Variants in TNRC6C observed in about 807,000 individuals in gnomAD.
TNRC6C encodes the protein trinucleotide repeat containing adaptor 6C.
A neutral mutation model predicts 153.7 loss-of-function variants in TNRC6C; 20 were observed. That is an observed-to-expected ratio of 0.13 (90% CI 0.09 to 0.19). The LOEUF is 0.19. Among genes scored for constraint, TNRC6C ranks in the 10% least tolerant of loss-of-function variants. TNRC6C has a pLI of 1.00. For missense variants in TNRC6C, 1,987 were observed against 2,172.0 expected, an observed-to-expected ratio of 0.91 and a Z score of 1.69; for synonymous variants, 811 against 841.4, an observed-to-expected ratio of 0.96 and a Z score of 0.63.
intron 1 of TNRC6C, among the ~76,000 whole-genome samples, chr17:77,964,109 A>G (rs2070880360): frequency 6.6e-6 from 1 of 152,226 alleles, no homozygotes; most frequent in South Asian, 2.1e-4. Context: ...AATTTGGCCC[A>G]GTTTCCACTT....
intron 1 of TNRC6C, among the ~76,000 whole-genome samples, chr17:78,023,521 T>C (rs1251002559): frequency 6.6e-6 from 1 of 152,148 alleles, no homozygotes; most frequent in Non-Finnish European, 1.5e-5. Flanking sequence ...AATAAAACTT[T>C]TGAGCTGGGC....
exon 20 of TNRC6C, chr17:78,106,784 T>G (rs1002127749): frequency 6.6e-6 from 1 of 151,560 alleles, no homozygotes; most frequent in African/African-American, 2.4e-5. Flanking sequence ...TTAAAAAATA[T>G]ATATATGAAC....
intron 9 of TNRC6C, chr17:78,077,546 C>A (rs1282231293): frequency 4.6e-6 from 3 of 656,498 alleles, no homozygotes; most frequent in Non-Finnish European, 7.6e-6. Context: ...TTTATTCTTA[C>A]ACTTAACTAA....
chr17:78,068,612 G>A (rs1416918154), intron 5 of TNRC6C, among the ~76,000 whole-genome samples: 2 of 152,124 alleles, frequency 1.3e-5, no homozygotes, highest in Non-Finnish European at 2.9e-5. Flanking sequence ...TGGCCAACAT[G>A]GTGAAACCCC....
At chr17:78,021,266 G>C (rs985947795) in intron 1 of TNRC6C, among the ~76,000 whole-genome samples, 1 of 152,230 alleles carries the variant, frequency 6.6e-6, no homozygotes, top group Non-Finnish European at 1.5e-5. Flanking sequence ...TGAGTACAAA[G>C]ACTTGAAGTC....
At chr17:78,004,508 G>T (rs895582325), upstream of TNRC6C, among the ~76,000 whole-genome samples, 1 of 152,198 alleles carries the variant, frequency 6.6e-6, no homozygotes, top group African/African-American at 2.4e-5. Context: ...TTAGTTGCTG[G>T]TGGTGAAGTG....
At chr17:78,107,272 T>C (rs1228589088) in exon 20 of TNRC6C, 1 of 152,110 alleles carries the variant, frequency 6.6e-6, no homozygotes, top group Non-Finnish European at 1.5e-5. Flanking sequence ...TGTTTGTTTG[T>C]TTTTTGTTTT....
intron 5 of TNRC6C, among the ~76,000 whole-genome samples, chr17:78,069,595 G>A (rs7221630): frequency 0.026 from 3,902 of 152,032 alleles, 175 homozygotes; most frequent in African/African-American, 0.09. Flanking sequence ...TCACTTTGTG[G>A]CATTTATACA....
At chr17:77,958,893 C>G (rs1014102960), upstream of TNRC6C, among the ~76,000 whole-genome samples, 1 of 146,590 alleles carries the variant, frequency 6.8e-6, no homozygotes, top group Non-Finnish European at 1.5e-5. Context: ...CGGGCCCGCC[C>G]GAGCCGGAGG....
chr17:78,080,896 T>C (rs1215515853), intron 10 of TNRC6C, among the ~76,000 whole-genome samples: 10 of 152,256 alleles, frequency 6.6e-5, no homozygotes. Context: ...AACGTGTTAA[T>C]TCATCAATCT....
At chr17:77,981,734 G>GT (rs1309084833) in intron 1 of TNRC6C, among the ~76,000 whole-genome samples, 3 of 152,124 alleles carry the variant, frequency 2.0e-5, no homozygotes, top group Admixed American at 2.0e-4. Context: ...ACCTATTTTA[G>GT]TAAATAATGT....
chr17:78,022,763 A>C (rs1215823194), intron 1 of TNRC6C, among the ~76,000 whole-genome samples: 2 of 152,228 alleles, frequency 1.3e-5, no homozygotes, highest in Non-Finnish European at 2.9e-5. Context: ...TAGAAGTACA[A>C]GTGTAGTTGG....
intron 1 of TNRC6C, among the ~76,000 whole-genome samples, chr17:78,021,640 G>T (rs2071834385): frequency 6.6e-6 from 1 of 152,156 alleles, no homozygotes; most frequent in Admixed American, 6.5e-5. Flanking sequence ...CGCAGTCTCG[G>T]CTCACTGCAA....
rs767075337 is a variant in TNRC6C at position 78,104,602 on chromosome 17, G to A, written c.4830G>A (p.Ala1610=). The stretch of plus-strand genomic sequence containing the variant: ...CTTCCAGCTGGCAGTCCAGCAGCGC[G>A]TCCAGCCAGCCGCGGCTCAGCGCAG... Residue 1610 remains alanine (A), a synonymous_variant, in exon 20 of 20, where the codon GCG becomes GCA. Transcript: ENST00000301624. This position sits in a 1 kb window ranked among gnomAD's most constrained non-coding sequence, Gnocchi z 6.2. The A allele has an allele frequency of 1.2e-4, 185 of 1,552,300 alleles. 2 individuals carry two copies. The South Asian group carries it at 2.0e-3, about 17-fold the overall frequency.
exon 14 of TNRC6C, chr17:78,091,446 T>C (rs771734801): frequency 1.9e-6 from 3 of 1,592,802 alleles, no homozygotes; most frequent in East Asian, 4.7e-5. Flanking sequence ...TTAGCTGGAC[T>C]GAACCCAAAC....
chr17:78,081,843 C>T (rs990081051), intron 10 of TNRC6C, among the ~76,000 whole-genome samples: 5 of 152,164 alleles, frequency 3.3e-5, no homozygotes, highest in Admixed American at 6.6e-5. Context: ...CTCACTGTTT[C>T]TTCTGTATCT....
At chr17:77,977,122 CTA>C (rs945958772) in intron 1 of TNRC6C, among the ~76,000 whole-genome samples, 1 of 151,570 alleles carries the variant, frequency 6.6e-6, no homozygotes, top group African/African-American at 2.4e-5. Context: ...ATAATGATTA[CTA>C]TATATACGTT....
At chr17:78,102,709 T>C in intron 18 of TNRC6C, 165 bp downstream of exon 21, 1 of 633,500 alleles carries the variant, frequency 1.6e-6, no homozygotes, top group Non-Finnish European at 2.6e-6. Context: ...CAGGATTGGC[T>C]CCAGCAGCGG....
intron 3 of TNRC6C, among the ~76,000 whole-genome samples, chr17:78,059,825 G>A (rs948980260): frequency 2.7e-5 from 4 of 149,418 alleles, no homozygotes; most frequent in African/African-American, 9.9e-5. Context: ...ACTCCATCCT[G>A]GACAACAGGA....
Sources: gnomAD v4.1 joint callset for allele counts (sites outside exome capture counted in the v4.1 genomes callset) on GRCh38, gnomAD v4.1.1 for gene constraint, Gnocchi (gnomAD v3.1) non-coding constraint, MANE v1.5 for transcripts, NCBI Gene and HGNC (gene_info 2026-07-23, HGNC 2026-07-21) for gene names.